The following LAMA4 variants were observed in gnomAD, a reference collection of about 807,000 sequenced individuals.
LAMA4 encodes the protein laminin subunit alpha 4.
In LAMA4, 127 loss-of-function variants were observed where a neutral mutation model predicts 207.1. The ratio of observed to expected loss-of-function variants is 0.61; its 90% CI spans 0.53 to 0.71. The LOEUF (loss-of-function observed/expected upper bound fraction) is 0.71. Ranked by LOEUF, LAMA4 falls within the 30% of genes least tolerant of loss-of-function variation. The pLI is 0.00. For synonymous variants in LAMA4, 761 were observed against 816.0 expected (o/e 0.93, Z 1.15); for missense variants, 2,093 against 2,246.5 (o/e 0.93, Z 1.38).
Position 112,128,784 on chromosome 6 carries a change from T to A in LAMA4, c.4287+138A>T, listed in dbSNP as rs191720045. On this transcript the variant is annotated intron_variant, in intron 31 of 38. Coordinates refer to ENST00000230538, the MANE Select transcript of LAMA4 (RefSeq NM_001105206.3). Reference sequence around the variant, plus strand: ...GCAACAAATCTGGTAAACTAGAATATGTGATACTGCAAGAATCCCATCTTT... The same window carrying A: ...GCAACAAATCTGGTAAACTAGAATAAGTGATACTGCAAGAATCCCATCTTT... 40 of 701,296 alleles carry A rather than the reference T, an allele frequency of 5.7e-5. No individual in the cohort carries two copies. In the African/African-American group the frequency reaches 6.7e-4, roughly 12 times the overall value. 43.4% of individuals were successfully genotyped at this position (701,296 alleles called of 1,614,324 possible). A position where few individuals can be genotyped will look rare whatever the true frequency, so the allele number is the denominator to read the frequency against.
In LAMA4 at chr6:112,173,842, G is replaced by A. The variant is rs374052598; in HGVS notation, c.1358-1038C>T. Among the ~76,000 whole-genome samples the A allele has an allele frequency of 9.9e-5, 15 of 152,280 alleles. No homozygotes were observed. In the East Asian group the frequency reaches 2.3e-3, roughly 23 times the overall value. On this transcript the variant is annotated intron_variant, in intron 11 of 38. Coordinates refer to ENST00000230538, the MANE Select transcript of LAMA4 (RefSeq NM_001105206.3). ...GTCATTAGTCCCTTTGTAATCTAAT[G>A]AAGCCTTCAGACTGCTTCTTAGAGT...
At chr6:112,133,573 T>C (rs1779168946) in intron 26 of LAMA4, 86 bp from the exon 27 acceptor site, 1 of 1,461,380 alleles carries the variant, frequency 6.8e-7, no homozygotes, top group Non-Finnish European at 9.6e-7. Context: ...CATTTATTTA[T>C]AGTCATTTGT....
At chr6:112,245,494 TG>T (rs1786846730) in intron 2 of LAMA4, among the ~76,000 whole-genome samples, 1 of 152,212 alleles carries the variant, frequency 6.6e-6, no homozygotes, top group Non-Finnish European at 1.5e-5. Context: ...GTTGTGTGTG[TG>T]AGGGAAGTTT....
chr6:112,138,558 G>A (rs1254179430), intron 24 of LAMA4, among the ~76,000 whole-genome samples: 4 of 151,882 alleles, frequency 2.6e-5, no homozygotes, highest in African/African-American at 9.7e-5. Context: ...AAACATTTCT[G>A]TATCATTAAT....
chr6:112,172,711 T>G lies in LAMA4; in HGVS notation c.1451A>C (p.Lys484Thr). The part of the protein sequence containing the change: ...VLEQLDDYNA[K>T]LSDLQEALDQ... ...AAGTGCTTCCTGGAGATCTGACAAC[T>G]TAGCATTGTAGTCATCCAGCTGCTC... is the stretch of plus-strand genomic sequence containing the variant. Residue 484 changes from lysine (K) to threonine (T), a missense_variant, in exon 12 of 39, where the codon AAG (lysine) becomes ACG (threonine). Lys to Thr is a moderately conservative substitution (Grantham distance 78, BLOSUM62 -1). Around this residue, in one of 3 missense-constraint regions of LAMA4, gnomAD observed 1,704 missense variants for 1,788.4 expected, o/e 0.95. Coordinates refer to ENST00000230538, the MANE Select transcript of LAMA4 (RefSeq NM_001105206.3). The G allele has an allele frequency of 6.2e-7, 1 of 1,613,954 alleles. No homozygotes were observed. The highest frequency in any genetic ancestry group is 1.3e-5 in the African/African-American group (1 of 75,026).
chr6:112,227,696 T>C lies in LAMA4; in HGVS notation c.196-11227A>G, dbSNP rs539404369. 3.9e-4 allele frequency among the ~76,000 whole-genome samples: 60 copies of C among 152,344 alleles called. 1 individual carries two copies. In the South Asian group the frequency reaches 9.3e-3, roughly 24 times the overall value. On this transcript the variant is annotated intron_variant, in intron 2 of 38. Transcript: ENST00000230538. ...ATAACATTCCTTACTTAATTTGTCC[T>C]TCCTTTGTTTTTCACCTTACAGCTA... is the stretch of plus-strand genomic sequence containing the variant.
intron 4 of LAMA4, among the ~76,000 whole-genome samples, chr6:112,203,657 C>T (rs1191465814): frequency 6.6e-6 from 1 of 152,142 alleles, no homozygotes; most frequent in African/African-American, 2.4e-5. Context: ...GCCAGTTTCC[C>T]CAGCAAGGGA....
chr6:112,120,602 T>G, intron 32 of LAMA4, 130 bp from the exon 33 acceptor site: 1 of 715,196 alleles, frequency 1.4e-6, no homozygotes, highest in East Asian at 2.7e-5. Context: ...GCAACATTAT[T>G]CCACACTTAG....
intron 22 of LAMA4, among the ~76,000 whole-genome samples, 167 bp downstream of exon 22, chr6:112,140,593 A>G (rs879960921): frequency 5.3e-5 from 8 of 152,230 alleles, no homozygotes; most frequent in African/African-American, 1.9e-4. Context: ...AGTAGCATAG[A>G]CCAGATTTAC....
At chr6:112,170,847 A>G (rs1781667861) in intron 12 of LAMA4, among the ~76,000 whole-genome samples, 1 of 152,180 alleles carries the variant, frequency 6.6e-6, no homozygotes, top group East Asian at 1.9e-4. Context: ...GGAGGAAGTA[A>G]TGCCTGAGGT....
chr6:112,141,359 T>C lies in LAMA4; in HGVS notation c.2812A>G (p.Arg938Gly). 1 of 1,614,048 alleles carries C rather than the reference T, an allele frequency of 6.2e-7. No individual in the cohort carries two copies. Among genetic ancestry groups the C allele is most frequent in the Non-Finnish European group, 8.5e-7 (1 of 1,179,906 alleles). The part of the protein sequence containing the change: ...PAYFSIVKIE[R>G]VGKHGKVFLT... Reference sequence around the variant, plus strand: ...CCCTGTGTCATGGATTCACTGTACCTTTCAATCTTGACAATGCTGAAGTAA... The same window carrying C: ...CCCTGTGTCATGGATTCACTGTACCCTTCAATCTTGACAATGCTGAAGTAA... Residue 938 changes from arginine (R) to glycine (G), a missense_variant and splice_region_variant, in exon 21 of 39, where the codon AGG becomes GGG. Arg to Gly is a moderately radical substitution (Grantham distance 125). Transcript: ENST00000230538.
intron 2 of LAMA4, among the ~76,000 whole-genome samples, chr6:112,251,859 A>AGGCC (rs1787483743): frequency 6.6e-6 from 1 of 152,186 alleles, no homozygotes; most frequent in African/African-American, 2.4e-5. Flanking sequence ...TGTTTTTCAA[A>AGGCC]ACTGAAGGCC....
chr6:112,134,025 A>G (rs13191507), intron 26 of LAMA4, among the ~76,000 whole-genome samples: 38,720 of 152,122 alleles, frequency 0.25, 5,023 homozygotes, highest in Admixed American at 0.32. Flanking sequence ...AACAAAGTTT[A>G]GGGGAGTGTC....
chr6:112,126,095 C>T (rs1778670875), intron 31 of LAMA4, among the ~76,000 whole-genome samples: 1 of 152,178 alleles, frequency 6.6e-6, no homozygotes. Flanking sequence ...TAAAGGTTAA[C>T]AAGTTTCCTA....
chr6:112,184,005 C>T (rs1413254272), intron 9 of LAMA4, among the ~76,000 whole-genome samples: 1 of 148,800 alleles, frequency 6.7e-6, no homozygotes, highest in Non-Finnish European at 1.5e-5. Flanking sequence ...CAAGTTTCAA[C>T]CATATCTGAT....
intron 5 of LAMA4, among the ~76,000 whole-genome samples, chr6:112,197,506 C>A (rs1436129213): frequency 6.6e-6 from 1 of 152,158 alleles, no homozygotes; most frequent in African/African-American, 2.4e-5. Context: ...CTTAAATTAT[C>A]TTTAAATATT....
chr6:112,125,045 G>A lies in LAMA4; in HGVS notation c.4288-2844C>T, dbSNP rs971376781. The stretch of plus-strand genomic sequence containing the variant: ...GCTGGGATTACAGGCGTGAGCCACC[G>A]CACCTGGCCATCTTAAACAATCTAA... On this transcript the variant is annotated intron_variant, in intron 31 of 38. Transcript: ENST00000230538. 1.4e-4 allele frequency among the ~76,000 whole-genome samples: 22 copies of A among 152,246 alleles called. 1 individual carries two copies. Among genetic ancestry groups the A allele is most frequent in the Non-Finnish European group, 4.4e-5 (3 of 68,012 alleles).
At chr6:112,176,803 G>A (rs1554343921) in intron 10 of LAMA4, among the ~76,000 whole-genome samples, 3 of 152,232 alleles carry the variant, frequency 2.0e-5, no homozygotes, top group Admixed American at 6.5e-5. Context: ...TTTTGGAGAC[G>A]ATTCACACAT....
intron 24 of LAMA4, among the ~76,000 whole-genome samples, chr6:112,138,745 T>TA (rs1290088669): frequency 1.3e-5 from 2 of 152,182 alleles, no homozygotes; most frequent in African/African-American, 4.8e-5. Context: ...CATATATACT[T>TA]ACATACACAC....
Sources: allele counts gnomAD v4.1 joint callset (sites outside exome capture counted in the v4.1 genomes callset), GRCh38; gene constraint gnomAD v4.1.1; regional missense constraint gnomAD v4.1.1; transcripts MANE v1.5; gene names NCBI Gene and HGNC (gene_info 2026-07-23, HGNC 2026-07-21).